SUCLG2: variants seen among roughly 807,000 people sequenced by gnomAD.
SUCLG2 encodes succinate-CoA ligase GDP-forming subunit beta.
Under a neutral mutation model 47.9 loss-of-function variants are expected in SUCLG2, and 42 were observed. The observed-to-expected ratio is 0.88, with a 90% confidence interval of 0.69 to 1.14. The LOEUF is 1.14. SUCLG2 is among the 50% of genes most tolerant of loss of function. The pLI, the probability that SUCLG2 is intolerant of heterozygous loss-of-function variation, is 0.00. For missense variants in SUCLG2, 571 were observed against 525.9 expected, an observed-to-expected ratio of 1.09 and a Z score of -0.84; for synonymous variants, 195 against 197.3, an observed-to-expected ratio of 0.99 and a Z score of 0.10.
downstream of SUCLG2, chr3:67,374,629 G>T: frequency 2.6e-6 from 1 of 387,192 alleles, no homozygotes; most frequent in Non-Finnish European, 3.5e-6. Context: ...AATTTTAGAG[G>T]CATACCTAAG....
At chr3:67,414,874 A>T (rs1213568925) in intron 9 of SUCLG2, among the ~76,000 whole-genome samples, 1 of 152,112 alleles carries the variant, frequency 6.6e-6, no homozygotes, top group African/African-American at 2.4e-5. Context: ...TTTCTTTATG[A>T]GATGCAATCT....
At chr3:67,401,074 A>C (rs36050041) in intron 9 of SUCLG2, among the ~76,000 whole-genome samples, 9,231 of 152,196 alleles carry the variant, frequency 0.061, 356 homozygotes, top group East Asian at 0.12. Flanking sequence ...TTTTCCCATC[A>C]ATCACTCTTT....
chr3:67,652,460 C>T (rs13091330), intron 1 of SUCLG2, among the ~76,000 whole-genome samples: 44,557 of 151,934 alleles, frequency 0.29, 7,113 homozygotes, highest in Non-Finnish European at 0.36. Context: ...ATGTCTGCCA[C>T]GGGCAAGGGA....
At chr3:67,560,750 T>G (rs566022541) in intron 2 of SUCLG2, among the ~76,000 whole-genome samples, 3 of 151,952 alleles carry the variant, frequency 2.0e-5, no homozygotes, top group African/African-American at 7.2e-5. Context: ...TCCAAGTAAC[T>G]CCTTCACACA....
At chr3:67,577,113 T>C (rs994435334) in intron 2 of SUCLG2, among the ~76,000 whole-genome samples, 3 of 152,090 alleles carry the variant, frequency 2.0e-5, no homozygotes, top group African/African-American at 7.2e-5. Flanking sequence ...GGTGAGCAGA[T>C]CACTGGCCAA....
intron 1 of SUCLG2, among the ~76,000 whole-genome samples, chr3:67,619,531 C>T (rs1437758488): frequency 3.3e-5 from 5 of 152,144 alleles, no homozygotes; most frequent in Non-Finnish European, 5.9e-5. Context: ...ATAGATTTCA[C>T]TGCAGGAAGG....
chr3:67,426,925 CA>C (rs996884274), intron 9 of SUCLG2, among the ~76,000 whole-genome samples: 3 of 147,298 alleles, frequency 2.0e-5, no homozygotes, highest in African/African-American at 2.5e-5. Flanking sequence ...GACTCCATCT[CA>C]AAAAAAAAAG....
intron 1 of SUCLG2, among the ~76,000 whole-genome samples, chr3:67,623,442 A>C (rs111814567): frequency 0.014 from 2,145 of 152,294 alleles, 51 homozygotes; most frequent in African/African-American, 0.049. Context: ...CGGTGCTTGC[A>C]GTGAGTGGAG....
intron 4 of SUCLG2, among the ~76,000 whole-genome samples, chr3:67,524,059 T>C (rs1706191450): frequency 6.6e-6 from 1 of 152,152 alleles, no homozygotes; most frequent in Non-Finnish European, 1.5e-5. Flanking sequence ...CAAGAGATAA[T>C]TCAAGAAATT....
intron 9 of SUCLG2, among the ~76,000 whole-genome samples, chr3:67,437,995 G>A (rs769294871): frequency 1.0e-3 from 158 of 152,116 alleles, no homozygotes; most frequent in Non-Finnish European, 1.5e-3. Context: ...ATACATATAC[G>A]TGATGCACTG....
At chr3:67,480,644 G>A (rs1016165236) in intron 9 of SUCLG2, among the ~76,000 whole-genome samples, 1 of 152,214 alleles carries the variant, frequency 6.6e-6, no homozygotes, top group African/African-American at 2.4e-5. Context: ...CATGATCCCA[G>A]AGGTAGGTGG....
At chr3:67,614,756 G>C (rs1700594133) in intron 1 of SUCLG2, among the ~76,000 whole-genome samples, 1 of 152,044 alleles carries the variant, frequency 6.6e-6, no homozygotes, top group Admixed American at 6.6e-5. Flanking sequence ...GGGACCACTG[G>C]GGTCCAATCA....
At chr3:67,456,944 C>A (rs146820961) in intron 9 of SUCLG2, among the ~76,000 whole-genome samples, 3 of 152,078 alleles carry the variant, frequency 2.0e-5, no homozygotes, top group African/African-American at 4.8e-5. Flanking sequence ...CTTCTTTATA[C>A]CTTTATGTAG....
chr3:67,473,666 T>A (rs778177865), intron 9 of SUCLG2, among the ~76,000 whole-genome samples: 3 of 152,210 alleles, frequency 2.0e-5, no homozygotes, highest in Non-Finnish European at 2.9e-5. Context: ...CATTTTAAAA[T>A]GATATTTTGT....
chr3:67,437,142 G>A (rs1261099540), intron 9 of SUCLG2, among the ~76,000 whole-genome samples: 4 of 152,086 alleles, frequency 2.6e-5, no homozygotes, highest in Non-Finnish European at 4.4e-5. Flanking sequence ...AAAAAATACT[G>A]TGTGTAAACA....
intron 9 of SUCLG2, among the ~76,000 whole-genome samples, chr3:67,433,628 G>A (rs1703541727): frequency 6.6e-6 from 1 of 152,126 alleles, no homozygotes; most frequent in Non-Finnish European, 1.5e-5. Flanking sequence ...GAGTAGCGAG[G>A]TAGATGAGCC....
At chr3:67,514,656 T>G (rs1705893018) in intron 6 of SUCLG2, among the ~76,000 whole-genome samples, 1 of 152,192 alleles carries the variant, frequency 6.6e-6, no homozygotes. Flanking sequence ...CATACAATAG[T>G]CACCCTTTAT....
chr3:67,496,014 C>A, intron 8 of SUCLG2, 74 bp from the exon 9 acceptor site: 2 of 1,575,390 alleles, frequency 1.3e-6, no homozygotes, highest in South Asian at 1.1e-5. Context: ...TTTTCCCTCC[C>A]CCATATTGCC....
chr3:67,423,314 G>C (rs1703217319), intron 9 of SUCLG2, among the ~76,000 whole-genome samples: 1 of 152,044 alleles, frequency 6.6e-6, no homozygotes. Context: ...AGGACTCCCT[G>C]GCCATGCGGA....
Sources: gnomAD v4.1 joint callset for allele counts (sites outside exome capture counted in the v4.1 genomes callset) on GRCh38, gnomAD v4.1.1 for gene constraint, MANE v1.5 for transcripts, NCBI Gene and HGNC (gene_info 2026-07-23, HGNC 2026-07-21) for gene names.